Variants in FAM171A1 observed in about 807,000 individuals in gnomAD.
FAM171A1 encodes the protein protein FAM171A1.
Under a neutral mutation model 74.9 loss-of-function variants are expected in FAM171A1, and 23 were observed. The ratio of observed to expected loss-of-function variants is 0.31; its 90% CI spans 0.22 to 0.44. The LOEUF (loss-of-function observed/expected upper bound fraction) is 0.44, where lower values mean the gene tolerates loss of function less well. Among genes scored for constraint, FAM171A1 ranks in the 20% least tolerant of loss-of-function variants. The probability of loss-of-function intolerance (pLI) is 1.00; values close to 1 mark genes in which losing one functional copy is unlikely to be tolerated. For synonymous variants in FAM171A1, 527 were observed against 505.7 expected, an observed-to-expected ratio of 1.04 and a Z score of -0.57; for missense variants, 1,162 against 1,159.2, an observed-to-expected ratio of 1.00 and a Z score of -0.03.
intron 1 of FAM171A1, among the ~76,000 whole-genome samples, chr10:15,308,554 A>G (rs913994695): frequency 2.0e-5 from 3 of 151,926 alleles, no homozygotes; most frequent in African/African-American, 7.3e-5. Flanking sequence ...ACCTCCGCCT[A>G]CCGGGTTCAA....
chr10:15,230,777 C>A (rs9423935), intron 5 of FAM171A1, among the ~76,000 whole-genome samples: 1 of 152,134 alleles, frequency 6.6e-6, no homozygotes, highest in Non-Finnish European at 1.5e-5. Context: ...GATAGCTAGA[C>A]GTATTAGGAT....
At chr10:15,278,884 C>A (rs933892259) in intron 2 of FAM171A1, among the ~76,000 whole-genome samples, 1 of 152,134 alleles carries the variant, frequency 6.6e-6, no homozygotes, top group African/African-American at 2.4e-5. Flanking sequence ...AAACTATTAT[C>A]AGCGATCCTT....
intron 5 of FAM171A1, 135 bp downstream of exon 5, chr10:15,248,504 A>G (rs1834462974): frequency 1.1e-6 from 1 of 899,758 alleles, no homozygotes; most frequent in Non-Finnish European, 1.6e-6. Flanking sequence ...CCCCATGAGA[A>G]ACCACACAAT....
intron 1 of FAM171A1, among the ~76,000 whole-genome samples, chr10:15,311,638 C>T (rs1835360410): frequency 6.6e-6 from 1 of 152,082 alleles, no homozygotes; most frequent in Non-Finnish European, 1.5e-5. Flanking sequence ...CTGGTTTCTT[C>T]CCGCCCCACA....
chr10:15,269,125 C>T (rs908313689), intron 3 of FAM171A1, among the ~76,000 whole-genome samples: 1 of 151,930 alleles, frequency 6.6e-6, no homozygotes, highest in African/African-American at 2.4e-5. Flanking sequence ...TATTTATTCA[C>T]TTTTTTGAGA....
intron 1 of FAM171A1, among the ~76,000 whole-genome samples, chr10:15,308,194 G>A (rs1335491919): frequency 6.6e-6 from 1 of 152,130 alleles, no homozygotes; most frequent in Non-Finnish European, 1.5e-5. Flanking sequence ...ATCAGTGGTT[G>A]TCAGGCACAC....
intron 1 of FAM171A1, among the ~76,000 whole-genome samples, chr10:15,312,055 A>G (rs1835365470): frequency 6.6e-6 from 1 of 152,242 alleles, no homozygotes; most frequent in Admixed American, 6.5e-5. Context: ...CAGGGCACAC[A>G]GCTGCCACCC....
chr10:15,361,851 C>T (rs1169194487), intron 1 of FAM171A1, among the ~76,000 whole-genome samples: 1 of 152,172 alleles, frequency 6.6e-6, no homozygotes, highest in Admixed American at 6.5e-5. Flanking sequence ...CAAGATAGTA[C>T]ATCTAAGAAA....
intron 6 of FAM171A1, among the ~76,000 whole-genome samples, chr10:15,218,818 A>G (rs928857927): frequency 6.6e-6 from 1 of 151,270 alleles, no homozygotes; most frequent in African/African-American, 2.4e-5. Flanking sequence ...CTGGTCTTGA[A>G]CTCCTGGGCT....
chr10:15,232,311 C>T (rs537258648), intron 5 of FAM171A1, among the ~76,000 whole-genome samples: 1 of 152,174 alleles, frequency 6.6e-6, no homozygotes, highest in East Asian at 1.9e-4. Context: ...AGGCTCTGAC[C>T]AGCTAATGAC....
At chr10:15,262,655 C>T (rs1032244890) in intron 3 of FAM171A1, among the ~76,000 whole-genome samples, 3 of 152,082 alleles carry the variant, frequency 2.0e-5, no homozygotes, top group African/African-American at 4.8e-5. Flanking sequence ...CTCCAAGGTT[C>T]GGGAGAAGAT....
At chr10:15,270,275 C>T (rs1288000248) in intron 3 of FAM171A1, among the ~76,000 whole-genome samples, 2 of 152,216 alleles carry the variant, frequency 1.3e-5, no homozygotes, top group African/African-American at 4.8e-5. Flanking sequence ...GAGCCTCGCT[C>T]ACTGCTAGCA....
chr10:15,308,648 AAAAC>A (rs376025721), intron 1 of FAM171A1, among the ~76,000 whole-genome samples: 3,480 of 152,116 alleles, frequency 0.023, 123 homozygotes, highest in African/African-American at 0.076. Flanking sequence ...TCTGTCTCAA[AAAAC>A]AAACAAACAA....
At chr10:15,339,234 A>AT (rs1835736673) in intron 1 of FAM171A1, among the ~76,000 whole-genome samples, 1 of 152,244 alleles carries the variant, frequency 6.6e-6, no homozygotes, top group Non-Finnish European at 1.5e-5. Flanking sequence ...GTTTCTGGTT[A>AT]TTAATATTAG....
At chr10:15,258,347 T>C (rs537697104) in intron 3 of FAM171A1, among the ~76,000 whole-genome samples, 9 of 152,198 alleles carry the variant, frequency 5.9e-5, no homozygotes, top group African/African-American at 1.9e-4. Context: ...AAATCTGTTC[T>C]TCCCTCTTCT....
At chr10:15,306,641 T>C (rs1835299219) in intron 1 of FAM171A1, among the ~76,000 whole-genome samples, 1 of 152,172 alleles carries the variant, frequency 6.6e-6, no homozygotes, top group African/African-American at 2.4e-5. Flanking sequence ...GCTGGGATTA[T>C]AGGCGTGAGC....
chr10:15,241,103 A>T (rs1834359357), intron 5 of FAM171A1: 1 of 152,316 alleles, frequency 6.6e-6, no homozygotes. Context: ...TCATTTGAAC[A>T]GAAGTCCCAT....
chr10:15,272,700 C>A (rs187051899), intron 3 of FAM171A1, among the ~76,000 whole-genome samples: 42 of 152,308 alleles, frequency 2.8e-4, no homozygotes, highest in African/African-American at 8.7e-4. Flanking sequence ...GTCTCTCAGA[C>A]CACAGTGCAA....
intron 1 of FAM171A1, among the ~76,000 whole-genome samples, chr10:15,306,225 A>C (rs1835292589): frequency 6.6e-6 from 1 of 152,240 alleles, no homozygotes; most frequent in Non-Finnish European, 1.5e-5. Context: ...CAGGTGTTTC[A>C]CTGAGGCTAT....
Sources: gnomAD v4.1 joint callset for allele counts (sites outside exome capture counted in the v4.1 genomes callset) on GRCh38, gnomAD v4.1.1 for gene constraint, MANE v1.5 for transcripts, NCBI Gene and HGNC (gene_info 2026-07-23, HGNC 2026-07-21) for gene names.